The following SLC24A2 variants were observed in gnomAD, a reference collection of about 807,000 sequenced individuals.
The protein encoded by SLC24A2 is solute carrier family 24 member 2.
In SLC24A2, 36 loss-of-function variants were observed where a neutral mutation model predicts 62.0. The observed-to-expected ratio is 0.58, with a 90% CI of 0.44 to 0.77. The LOEUF is 0.77. Ranked by LOEUF, SLC24A2 falls within the 30% of genes least tolerant of loss-of-function variation. The pLI, the probability that SLC24A2 is intolerant of heterozygous loss-of-function variation, is 0.00. For synonymous variants in SLC24A2, 358 were observed against 294.0 expected (o/e 1.22, Z -2.23); for missense variants, 846 against 817.9 (o/e 1.03, Z -0.42).
chr9:19,889,903 T>C, the SLC24A2 span, among the ~76,000 whole-genome samples: 1 of 152,244 alleles, frequency 6.6e-6, no homozygotes, highest in Non-Finnish European at 1.5e-5. Context: ...CATTGTTCTT[T>C]CTACCGACTA....
chr9:19,587,507 A>C (rs1218466599), intron 5 of SLC24A2, among the ~76,000 whole-genome samples: 1 of 152,226 alleles, frequency 6.6e-6, no homozygotes, highest in Non-Finnish European at 1.5e-5. Context: ...TAGCAGCAGA[A>C]GCACTGGCAC....
chr9:20,205,649 TAAAAAAAAAAAAA>T, the SLC24A2 span, among the ~76,000 whole-genome samples: 4 of 65,304 alleles, frequency 6.1e-5, no homozygotes, highest in African/African-American at 2.6e-4. Context: ...AGACTCCATC[TAAAAAAAAAAAAA>T]AAAAAAAAAA....
the SLC24A2 span, among the ~76,000 whole-genome samples, chr9:19,799,844 G>A: frequency 6.6e-6 from 1 of 151,902 alleles, no homozygotes; most frequent in Admixed American, 6.6e-5. Context: ...ATTTCTTTGG[G>A]CTGCCTCAAC....
the SLC24A2 span, among the ~76,000 whole-genome samples, chr9:20,058,695 G>A: frequency 1.3e-5 from 2 of 152,190 alleles, no homozygotes; most frequent in African/African-American, 4.8e-5. Context: ...TGACCCAGGA[G>A]TTCAAGGCTG....
At chr9:20,083,362 G>A in the SLC24A2 span, among the ~76,000 whole-genome samples, 10 of 152,166 alleles carry the variant, frequency 6.6e-5, no homozygotes, top group African/African-American at 1.9e-4. Context: ...ACGAAACAGT[G>A]GACACCATGC....
At chr9:19,895,956 G>C in the SLC24A2 span, 3 of 1,610,348 alleles carry the variant, frequency 1.9e-6, no homozygotes, top group Non-Finnish European at 2.5e-6. Context: ...GCTCCAGGGA[G>C]TCTTGGAGCA....
chr9:20,027,384 A>C, the SLC24A2 span, among the ~76,000 whole-genome samples: 56 of 152,320 alleles, frequency 3.7e-4, no homozygotes, highest in African/African-American at 1.3e-3. Flanking sequence ...CAATAGCCAA[A>C]ATATGAAATC....
intron 2 of SLC24A2, among the ~76,000 whole-genome samples, chr9:19,660,971 G>A (rs1442422219): frequency 6.6e-6 from 1 of 152,122 alleles, no homozygotes; most frequent in African/African-American, 2.4e-5. Flanking sequence ...TCTGAGCTCG[G>A]ACATCCAGTA....
At chr9:19,785,904 A>G in intron 2 of SLC24A2, 33 bp downstream of exon 2, 7 of 1,614,070 alleles carry the variant, frequency 4.3e-6, no homozygotes, top group Non-Finnish European at 5.9e-6. Flanking sequence ...CGTAGTCAAG[A>G]AAAGCATTAA....
At chr9:20,019,237 A>G in the SLC24A2 span, among the ~76,000 whole-genome samples, 10 of 127,234 alleles carry the variant, frequency 7.9e-5, no homozygotes, top group South Asian at 2.5e-3. Context: ...GAAAGAAAGA[A>G]AAAGAAAGAA....
the SLC24A2 span, among the ~76,000 whole-genome samples, chr9:19,878,697 C>T: frequency 6.6e-6 from 1 of 152,146 alleles, no homozygotes; most frequent in Admixed American, 6.5e-5. Flanking sequence ...CCATGTAAGA[C>T]CTGCTTGTTT....
the SLC24A2 span, among the ~76,000 whole-genome samples, chr9:20,070,927 G>T: frequency 1.2e-4 from 18 of 152,174 alleles, no homozygotes; most frequent in African/African-American, 4.3e-4. Context: ...TGGAGGTGGG[G>T]CCCGGTGGGA....
chr9:19,829,546 G>T, the SLC24A2 span, among the ~76,000 whole-genome samples: 1 of 151,724 alleles, frequency 6.6e-6, no homozygotes, highest in African/African-American at 2.4e-5. Flanking sequence ...GAAAGCTCAG[G>T]AAATTTCTTT....
the SLC24A2 span, among the ~76,000 whole-genome samples, chr9:19,794,063 C>A: frequency 2.0e-5 from 3 of 152,178 alleles, no homozygotes; most frequent in Non-Finnish European, 4.4e-5. Flanking sequence ...AAAAAAATTT[C>A]TGTGGGATTG....
the SLC24A2 span, among the ~76,000 whole-genome samples, chr9:20,087,341 T>C: frequency 6.6e-6 from 1 of 152,204 alleles, no homozygotes; most frequent in Non-Finnish European, 1.5e-5. Context: ...TACATAAGAA[T>C]AGATATTAAC....
the SLC24A2 span, among the ~76,000 whole-genome samples, chr9:20,065,542 A>G: frequency 1.3e-5 from 2 of 152,186 alleles, no homozygotes; most frequent in Admixed American, 1.3e-4. Flanking sequence ...ACTTTTATTT[A>G]ATACTTCCAG....
At chr9:19,706,209 A>G (rs1189359496) in intron 2 of SLC24A2, among the ~76,000 whole-genome samples, 4 of 150,290 alleles carry the variant, frequency 2.7e-5, no homozygotes, top group Non-Finnish European at 5.9e-5. Context: ...GTCTCTTTTG[A>G]TCTTTGTTGG....
At chr9:19,867,827 G>A in the SLC24A2 span, among the ~76,000 whole-genome samples, 8 of 152,196 alleles carry the variant, frequency 5.3e-5, no homozygotes, top group East Asian at 1.9e-4. Context: ...TGAATCGGTC[G>A]AACCCGGGAG....
intron 2 of SLC24A2, among the ~76,000 whole-genome samples, chr9:19,731,130 T>C (rs1458887660): frequency 2.0e-5 from 3 of 152,172 alleles, no homozygotes; most frequent in Non-Finnish European, 4.4e-5. Flanking sequence ...CATTTATATA[T>C]TGTCTCGATA....
Sources: gnomAD v4.1 joint callset for allele counts (sites outside exome capture counted in the v4.1 genomes callset) on GRCh38, gnomAD v4.1.1 for gene constraint, MANE v1.5 for transcripts, NCBI Gene and HGNC (gene_info 2026-07-23, HGNC 2026-07-21) for gene names.